Variants in TXLNB observed in about 807,000 individuals in gnomAD.
The protein encoded by TXLNB is taxilin beta, also known as beta-taxilin.
Under a neutral mutation model 57.4 loss-of-function variants are expected in TXLNB, and 37 were observed. That is an observed-to-expected ratio of 0.64 (90% CI 0.50 to 0.85). TXLNB has a LOEUF of 0.85. Ranked by LOEUF, TXLNB falls within the 40% of genes least tolerant of loss-of-function variation. The probability of loss-of-function intolerance (pLI) is 0.00; values close to 1 mark genes in which losing one functional copy is unlikely to be tolerated. For missense variants in TXLNB, 848 were observed against 825.6 expected, an observed-to-expected ratio of 1.03 and a Z score of -0.33; for synonymous variants, 302 against 309.6, an observed-to-expected ratio of 0.98 and a Z score of 0.26.
In TXLNB at chr6:139,247,994, A is replaced by T. The variant is rs1031683148; in HGVS notation, c.1078-85T>A. 6 of 743,888 alleles carry T rather than the reference A, an allele frequency of 8.1e-6. No homozygotes were observed. The African/African-American group carries it at 9.2e-5, about 11-fold the overall frequency. The allele number at this position is 743,888 out of a possible 1,614,324, so 46.1% of individuals were successfully genotyped here. On this transcript the variant is annotated intron_variant, in intron 7 of 9. Coordinates refer to ENST00000358430, the MANE Select transcript of TXLNB (RefSeq NM_153235.4). ...TTCATTATTTAAAGGAATTCTCAAT[A>T]TAGTATTAGTAATATGTTTAATTAT...
chr6:139,193,846 T>G, the TXLNB span, among the ~76,000 whole-genome samples: 1 of 101,268 alleles, frequency 9.9e-6, no homozygotes, highest in Non-Finnish European at 2.0e-5. Flanking sequence ...ATATATTTTT[T>G]TTTTTTTTTT....
intron 2 of TXLNB, among the ~76,000 whole-genome samples, chr6:139,277,518 G>A (rs1776930876): frequency 6.6e-6 from 1 of 151,948 alleles, no homozygotes; most frequent in African/African-American, 2.4e-5. Flanking sequence ...CGTTGGAGTG[G>A]GAATAACTCT....
the TXLNB span, among the ~76,000 whole-genome samples, chr6:139,165,335 C>G: frequency 5.6e-4 from 86 of 152,238 alleles, no homozygotes; most frequent in African/African-American, 2.1e-3. Context: ...ACCTCCTGCC[C>G]TCCTCCAGCC....
At chr6:139,302,809 AC>A in the TXLNB span, among the ~76,000 whole-genome samples, 11 of 151,978 alleles carry the variant, frequency 7.2e-5, no homozygotes, top group African/African-American at 2.7e-4. Flanking sequence ...AGAAAAAAAA[AC>A]CTTGTTAAGC....
At chr6:139,261,901 CTTTTT>C (rs759412856) in intron 5 of TXLNB, among the ~76,000 whole-genome samples, 1 of 117,898 alleles carries the variant, frequency 8.5e-6, no homozygotes. Flanking sequence ...AATACAGACT[CTTTTT>C]TTTTTTTTTT....
chr6:139,174,364 C>A, the TXLNB span: 1 of 1,604,304 alleles, frequency 6.2e-7, no homozygotes, highest in Non-Finnish European at 8.5e-7. Context: ...CCACTCAGAG[C>A]CTTGTGTCTT....
At chr6:139,270,820 A>C (rs1199234158) in intron 3 of TXLNB, among the ~76,000 whole-genome samples, 194 bp from the exon 4 acceptor site, 3 of 152,202 alleles carry the variant, frequency 2.0e-5, no homozygotes, top group Non-Finnish European at 4.4e-5. Context: ...TTTAGAACAC[A>C]GCATTGATAG....
chr6:139,180,166 C>A, the TXLNB span: 1 of 152,124 alleles, frequency 6.6e-6, no homozygotes, highest in Non-Finnish European at 1.5e-5. Flanking sequence ...CCTTTAACTT[C>A]TAGGTTTTGT....
At chr6:139,224,317 G>A in the TXLNB span, among the ~76,000 whole-genome samples, 2 of 121,340 alleles carry the variant, frequency 1.6e-5, no homozygotes, top group Non-Finnish European at 3.4e-5. Context: ...GAGGGGGGGA[G>A]GGATAGCATT....
At chr6:139,206,605 C>T in the TXLNB span, among the ~76,000 whole-genome samples, 25 of 150,836 alleles carry the variant, frequency 1.7e-4, no homozygotes, top group African/African-American at 4.1e-4. Context: ...GAGGCAGAGG[C>T]GGAGGTTGTA....
chr6:139,260,995 G>A (rs1222116005), intron 5 of TXLNB, among the ~76,000 whole-genome samples: 2 of 152,172 alleles, frequency 1.3e-5, no homozygotes, highest in African/African-American at 2.4e-5. Flanking sequence ...TGTTGCTCTG[G>A]TGGAGATGAC....
chr6:139,239,837 C>T (rs1775883550), downstream of TXLNB, among the ~76,000 whole-genome samples: 1 of 150,032 alleles, frequency 6.7e-6, no homozygotes, highest in Non-Finnish European at 1.5e-5. This position sits in a 1 kb window ranked among gnomAD's most constrained non-coding sequence, Gnocchi z 4.7. Flanking sequence ...ATTTCTCCCT[C>T]CCTTTCTCTC....
At chr6:139,319,417 T>A in the TXLNB span, among the ~76,000 whole-genome samples, 1 of 152,002 alleles carries the variant, frequency 6.6e-6, no homozygotes, top group South Asian at 2.1e-4. Context: ...CTTTCTTTTT[T>A]TTTTGAGACA....
At chr6:139,236,450 C>G (rs934120270), downstream of TXLNB, among the ~76,000 whole-genome samples, 8 of 152,168 alleles carry the variant, frequency 5.3e-5, no homozygotes, top group African/African-American at 1.7e-4. Flanking sequence ...GAACTTTTCC[C>G]ATTTCAATAG....
the TXLNB span, among the ~76,000 whole-genome samples, chr6:139,233,727 A>G: frequency 6.6e-6 from 1 of 152,184 alleles, no homozygotes; most frequent in African/African-American, 2.4e-5. Context: ...TCCTTTATAA[A>G]TCATCCAGTC....
the TXLNB span, among the ~76,000 whole-genome samples, chr6:139,216,637 T>G: frequency 6.6e-6 from 1 of 151,948 alleles, no homozygotes; most frequent in South Asian, 2.1e-4. Context: ...ATAATAATTT[T>G]AAAAAAAGAA....
chr6:139,267,298 C>T (rs1243422514), intron 4 of TXLNB, among the ~76,000 whole-genome samples: 5 of 152,002 alleles, frequency 3.3e-5, no homozygotes, highest in African/African-American at 9.7e-5. Flanking sequence ...AATGTCTCAT[C>T]GGCTTTACAA....
chr6:139,293,168 G>A (rs576325122), upstream of TXLNB, among the ~76,000 whole-genome samples: 80 of 152,254 alleles, frequency 5.3e-4, no homozygotes, highest in African/African-American at 1.9e-3. Flanking sequence ...TGCAATCTCA[G>A]CTCACTGCAA....
intron 3 of TXLNB, 54 bp from the exon 4 acceptor site, chr6:139,270,680 T>A: frequency 1.3e-6 from 2 of 1,538,424 alleles, no homozygotes; most frequent in East Asian, 4.5e-5. Context: ...CTCCTTGGAG[T>A]GGATAGAAAA....
Sources: gnomAD v4.1 joint callset for allele counts (sites outside exome capture counted in the v4.1 genomes callset) on GRCh38, gnomAD v4.1.1 for gene constraint, Gnocchi (gnomAD v3.1) non-coding constraint, MANE v1.5 for transcripts, NCBI Gene and HGNC (gene_info 2026-07-23, HGNC 2026-07-21) for gene names.